Variants in LRP1B observed in about 807,000 individuals in gnomAD.
The protein encoded by LRP1B is low-density lipoprotein receptor-related protein 1B.
Under a neutral mutation model 556.6 loss-of-function variants are expected in LRP1B, and 217 were observed. The ratio of observed to expected loss-of-function variants is 0.39; its 90% confidence interval spans 0.35 to 0.44. The LOEUF (loss-of-function observed/expected upper bound fraction) is 0.44. LRP1B is among the 20% of genes least tolerant of loss of function. The pLI is 1.00. For synonymous variants in LRP1B, 2,047 were observed against 1,865.8 expected (o/e 1.10, Z -2.50); for missense variants, 5,053 against 5,620.8 (o/e 0.90, Z 3.23).
At chr2:141,467,778 T>A (rs2105060715) in intron 3 of LRP1B, among the ~76,000 whole-genome samples, 1 of 138,002 alleles carries the variant, frequency 7.2e-6, no homozygotes, top group East Asian at 2.4e-4. Context: ...GGCATAAATA[T>A]TCCTGACAAA....
chr2:141,359,443 C>G (rs936061475), intron 3 of LRP1B, among the ~76,000 whole-genome samples: 1 of 151,994 alleles, frequency 6.6e-6, no homozygotes, highest in Non-Finnish European at 1.5e-5. Context: ...CGAGGAAAAG[C>G]GTCAAATTAA....
intron 3 of LRP1B, among the ~76,000 whole-genome samples, chr2:141,419,131 G>A (rs1377149218): frequency 6.6e-6 from 1 of 151,928 alleles, no homozygotes; most frequent in Non-Finnish European, 1.5e-5. Context: ...AGGACTTTCA[G>A]TACTGTATTT....
chr2:141,922,943 T>TAA (rs35456592), intron 1 of LRP1B, among the ~76,000 whole-genome samples: 2 of 151,340 alleles, frequency 1.3e-5, no homozygotes, highest in African/African-American at 2.4e-5. Flanking sequence ...CTACAAAAAA[T>TAA]AAAAAATTAT....
intron 2 of LRP1B, among the ~76,000 whole-genome samples, chr2:141,657,466 A>C (rs139512609): frequency 4.9e-4 from 75 of 152,272 alleles, no homozygotes; most frequent in African/African-American, 1.7e-3. Flanking sequence ...CATTAAATGA[A>C]TTATATTCTA....
rs190275357 is a variant in LRP1B at position 140,396,853 on chromosome 2, G to A, written c.10415-10844C>T. On this transcript the variant is annotated intron_variant, in intron 66 of 90. Transcript: ENST00000389484. ...TTGGTTACGAGTTAAGTGATTTAGCGGTGATTTCTGAGATTTTGGTTGTCA... is the reference window on the plus strand; with the variant it reads ...TTGGTTACGAGTTAAGTGATTTAGCAGTGATTTCTGAGATTTTGGTTGTCA... 3.1e-3 allele frequency among the ~76,000 whole-genome samples: 468 copies of A among 152,174 alleles called. 4 individuals carry two copies. The highest frequency in any genetic ancestry group is 0.011 in the African/African-American group (446 of 41,524).
At chr2:140,657,442 T>C (rs1292326494) in intron 41 of LRP1B, among the ~76,000 whole-genome samples, 2 of 151,408 alleles carry the variant, frequency 1.3e-5, no homozygotes, top group East Asian at 3.9e-4. Flanking sequence ...AGATCATACA[T>C]TGAATGATTA....
chr2:141,261,676 G>T (rs1573725511), intron 3 of LRP1B, among the ~76,000 whole-genome samples: 1 of 151,916 alleles, frequency 6.6e-6, no homozygotes, highest in Non-Finnish European at 1.5e-5. Flanking sequence ...CTATATTATT[G>T]TTAGTATTAG....
intron 35 of LRP1B, among the ~76,000 whole-genome samples, chr2:140,751,992 T>C (rs1688595904): frequency 1.3e-5 from 2 of 152,218 alleles, no homozygotes; most frequent in East Asian, 1.9e-4. Flanking sequence ...TTAGTCTGAA[T>C]GGAAGAGGAT....
At chr2:141,636,454 C>T (rs1474768939) in intron 2 of LRP1B, among the ~76,000 whole-genome samples, 1 of 152,046 alleles carries the variant, frequency 6.6e-6, no homozygotes, top group African/African-American at 2.4e-5. Flanking sequence ...AAAATAATTA[C>T]TAATATATCA....
chr2:141,441,531 T>C (rs1172676093), intron 3 of LRP1B, among the ~76,000 whole-genome samples: 1 of 152,266 alleles, frequency 6.6e-6, no homozygotes, highest in Non-Finnish European at 1.5e-5. Flanking sequence ...TTTTTTGTTT[T>C]ATACTTTAAG....
chr2:141,108,334 C>CTTT (rs60275697), intron 7 of LRP1B, among the ~76,000 whole-genome samples: 2,648 of 88,112 alleles, frequency 0.03, 394 homozygotes, highest in Middle Eastern at 0.041. Flanking sequence ...TAATCTGTTT[C>CTTT]TTTTTTTTTT....
At chr2:141,087,331 C>A (rs762462121) in intron 7 of LRP1B, among the ~76,000 whole-genome samples, 1 of 152,148 alleles carries the variant, frequency 6.6e-6, no homozygotes, top group Non-Finnish European at 1.5e-5. Context: ...GAATACATGG[C>A]GGTCCTACCA....
At chr2:140,872,360 ATTTTTTTT>A (rs59469282) in intron 25 of LRP1B, among the ~76,000 whole-genome samples, 3 of 60,496 alleles carry the variant, frequency 5.0e-5, no homozygotes, top group African/African-American at 1.4e-4. Context: ...GTGTCACCTG[ATTTTTTTT>A]TTTTTTTTTT....
intron 1 of LRP1B, among the ~76,000 whole-genome samples, chr2:142,090,695 T>C (rs1706133482): frequency 6.6e-6 from 1 of 152,050 alleles, no homozygotes; most frequent in South Asian, 2.1e-4. Flanking sequence ...AAAAATGAAC[T>C]AGCAATACAA....
At chr2:141,709,365 T>TAAAATAAAATAAAATA (rs144990814) in intron 2 of LRP1B, among the ~76,000 whole-genome samples, 1 of 147,954 alleles carries the variant, frequency 6.8e-6, no homozygotes, top group Non-Finnish European at 1.5e-5. Context: ...TAAAAGAAAA[T>TAAAATAAAATAAAATA]AAATAAAATA....
chr2:141,828,672 T>C (rs1454437715), intron 1 of LRP1B, among the ~76,000 whole-genome samples: 1 of 152,150 alleles, frequency 6.6e-6, no homozygotes, highest in Non-Finnish European at 1.5e-5. Flanking sequence ...TAGTCAAAGC[T>C]GATTGGATCA....
intron 41 of LRP1B, among the ~76,000 whole-genome samples, chr2:140,610,706 C>A (rs755070494): frequency 7.2e-5 from 11 of 152,250 alleles, no homozygotes; most frequent in Admixed American, 1.3e-4. Flanking sequence ...CTGCCTCAGC[C>A]TCCTGAGTAG....
chr2:141,029,385 C>G (rs1698304461), intron 11 of LRP1B, among the ~76,000 whole-genome samples: 1 of 152,006 alleles, frequency 6.6e-6, no homozygotes, highest in Non-Finnish European at 1.5e-5. Context: ...CCTTGAGTGT[C>G]CCTGTACATT....
chr2:141,739,643 G>T (rs1693622890), intron 2 of LRP1B, among the ~76,000 whole-genome samples: 1 of 149,644 alleles, frequency 6.7e-6, no homozygotes, highest in Non-Finnish European at 1.5e-5. Context: ...ATAATAGAAA[G>T]AAAGTTGTTA....
Sources: allele counts gnomAD v4.1 joint callset (sites outside exome capture counted in the v4.1 genomes callset), GRCh38; gene constraint gnomAD v4.1.1; transcripts MANE v1.5; gene names NCBI Gene and HGNC (gene_info 2026-07-23, HGNC 2026-07-21).